Variants in CAMKMT observed in about 807,000 individuals in gnomAD.
The protein encoded by CAMKMT is CaM KMT.
CAMKMT carries 53 observed loss-of-function variants against 48.0 expected under a neutral mutation model. That is an observed-to-expected ratio of 1.10 (90% CI 0.89 to 1.39). The LOEUF is 1.39. Among genes scored for constraint, CAMKMT ranks in the 40% most tolerant of loss-of-function variants. The pLI is 0.00. For synonymous variants in CAMKMT, 165 were observed against 152.3 expected (o/e 1.08, Z -0.61); for missense variants, 428 against 402.7 (o/e 1.06, Z -0.54).
At chr2:44,536,018 C>A (rs1476731384) in intron 3 of CAMKMT, among the ~76,000 whole-genome samples, 1 of 152,142 alleles carries the variant, frequency 6.6e-6, no homozygotes, top group African/African-American at 2.4e-5. Context: ...AGTAAAGTTG[C>A]AGGATACAAA....
chr2:44,654,359 C>T (rs1674251950), intron 3 of CAMKMT, among the ~76,000 whole-genome samples: 3 of 151,908 alleles, frequency 2.0e-5, no homozygotes, highest in Admixed American at 2.0e-4. Context: ...AATACATATT[C>T]ATGGTAGAGA....
chr2:44,626,910 A>G (rs1672513844), intron 3 of CAMKMT, among the ~76,000 whole-genome samples: 1 of 152,176 alleles, frequency 6.6e-6, no homozygotes, highest in African/African-American at 2.4e-5. Context: ...CCAGTGCAGC[A>G]CTGAATAGAA....
intron 1 of CAMKMT, among the ~76,000 whole-genome samples, chr2:44,362,852 C>G (rs1036952951): frequency 4.6e-5 from 7 of 152,210 alleles, no homozygotes; most frequent in African/African-American, 1.7e-4. Context: ...GCAAGCTTGA[C>G]GGAAGTTCTG....
intron 3 of CAMKMT, among the ~76,000 whole-genome samples, chr2:44,527,260 A>AATATATATATGTTATATATATT (rs1666175928): frequency 2.1e-5 from 3 of 145,090 alleles, no homozygotes; most frequent in African/African-American, 7.6e-5. Context: ...CATATCTGGC[A>AATATATATATGTTATATATATT]ATATATATAT....
intron 10 of CAMKMT, among the ~76,000 whole-genome samples, chr2:44,768,366 T>A (rs945230342): frequency 0.038 from 5,445 of 141,466 alleles, 167 homozygotes; most frequent in Non-Finnish European, 0.061. Context: ...TATATATTTT[T>A]TTTTTTTTTT....
chr2:44,581,871 C>T (rs1279583212), intron 3 of CAMKMT, among the ~76,000 whole-genome samples: 8 of 152,160 alleles, frequency 5.3e-5, no homozygotes, highest in African/African-American at 1.4e-4. Flanking sequence ...TGGTGCCGCG[C>T]GCCTGTAGTC....
intron 5 of CAMKMT, 143 bp downstream of exon 5, chr2:44,706,484 GACTT>G (rs1362379650): frequency 1.4e-6 from 1 of 721,194 alleles, no homozygotes; most frequent in Admixed American, 2.4e-5. Flanking sequence ...CTTCTAGATT[GACTT>G]ACTTTCGGAT....
chr2:44,737,239 C>A (rs773484725), intron 7 of CAMKMT, among the ~76,000 whole-genome samples: 1 of 152,118 alleles, frequency 6.6e-6, no homozygotes, highest in Admixed American at 6.5e-5. Flanking sequence ...TCTCAGCCCC[C>A]CAGGTAGCTG....
At chr2:44,406,487 GT>G (rs1207394344) in intron 3 of CAMKMT, among the ~76,000 whole-genome samples, 1 of 68,902 alleles carries the variant, frequency 1.5e-5, no homozygotes, top group African/African-American at 9.0e-5. Context: ...CCACCCCAGT[GT>G]CTTTGTGTGT....
chr2:44,596,132 T>TA (rs766302518), intron 3 of CAMKMT, among the ~76,000 whole-genome samples: 52 of 141,084 alleles, frequency 3.7e-4, no homozygotes, highest in South Asian at 6.8e-4. Context: ...ACTTATAATT[T>TA]AAAAAAAAAA....
Position 44,397,058 on chromosome 2 carries a change from C to CA in CAMKMT, c.376+6770dup, listed in dbSNP as rs59188592. 1.9e-3 allele frequency among the ~76,000 whole-genome samples: 229 copies of CA among 120,356 alleles called. 3 individuals are homozygous for CA. In the South Asian group the frequency reaches 0.027, roughly 14 times the overall value. 79.0% of individuals were successfully genotyped at this position (120,356 alleles called of 152,430 possible). ...CAGGCGACAGAGTGAGACTCCATCT[C>CA]AAAAAAAAAAAAAAAAAGAAAAAGT... is the stretch of plus-strand genomic sequence containing the variant. On this transcript the variant is annotated intron_variant, in intron 3 of 10. Coordinates refer to ENST00000378494, the MANE Select transcript of CAMKMT (RefSeq NM_024766.5).
intron 3 of CAMKMT, among the ~76,000 whole-genome samples, chr2:44,543,838 G>A (rs72881146): frequency 4.1e-3 from 630 of 152,250 alleles, no homozygotes; most frequent in African/African-American, 0.012. Context: ...TATTTTAGTA[G>A]CATTTATCTA....
intron 3 of CAMKMT, among the ~76,000 whole-genome samples, chr2:44,608,496 ATCG>A (rs201887753): frequency 9.2e-5 from 14 of 152,048 alleles, no homozygotes; most frequent in Non-Finnish European, 1.5e-4. Context: ...ATCAGGTATT[ATCG>A]TATCCATCAT....
At chr2:44,476,317 T>C (rs1218021150) in intron 3 of CAMKMT, among the ~76,000 whole-genome samples, 1 of 152,164 alleles carries the variant, frequency 6.6e-6, no homozygotes, top group Non-Finnish European at 1.5e-5. Context: ...GTAAAGATTA[T>C]TGCAAATTCA....
At chr2:44,583,283 G>C (rs548598214) in intron 3 of CAMKMT, among the ~76,000 whole-genome samples, 1 of 152,240 alleles carries the variant, frequency 6.6e-6, no homozygotes, top group South Asian at 2.1e-4. Flanking sequence ...CACACACACA[G>C]TCCCTGCTCT....
At chr2:44,490,369 G>T (rs1239109723) in intron 3 of CAMKMT, among the ~76,000 whole-genome samples, 1 of 151,960 alleles carries the variant, frequency 6.6e-6, no homozygotes, top group African/African-American at 2.4e-5. Context: ...TCCGCCTCCC[G>T]GGTTCAAGTG....
rs137859537 is a variant in CAMKMT at position 44,450,084 on chromosome 2, A to G, written c.376+59779A>G. On this transcript the variant is annotated intron_variant, in intron 3 of 10. Coordinates refer to ENST00000378494, the MANE Select transcript of CAMKMT (RefSeq NM_024766.5). Reference sequence around the variant, plus strand: ...AAGCCATCACACACACTTCATCAACACTGTGGAATGAGGGACCGATGCTTT... The same window carrying G: ...AAGCCATCACACACACTTCATCAACGCTGTGGAATGAGGGACCGATGCTTT... 4.2e-3 allele frequency among the ~76,000 whole-genome samples: 637 copies of G among 152,300 alleles called. 1 individual carries two copies. Among genetic ancestry groups the G allele is most frequent in the African/African-American group, 0.015 (609 of 41,576 alleles).
chr2:44,756,391 G>A (rs1573238254), intron 9 of CAMKMT, among the ~76,000 whole-genome samples: 1 of 152,110 alleles, frequency 6.6e-6, no homozygotes, highest in Non-Finnish European at 1.5e-5. Flanking sequence ...GTGTCCTCTT[G>A]AGCCCAGACA....
intron 3 of CAMKMT, among the ~76,000 whole-genome samples, chr2:44,607,486 G>C (rs1321091076): frequency 6.6e-6 from 1 of 152,096 alleles, no homozygotes; most frequent in Non-Finnish European, 1.5e-5. Context: ...GTTTCTAGTA[G>C]TGAACATAAA....
Sources: allele counts gnomAD v4.1 joint callset (sites outside exome capture counted in the v4.1 genomes callset), GRCh38; gene constraint gnomAD v4.1.1; transcripts MANE v1.5; gene names NCBI Gene and HGNC (gene_info 2026-07-23, HGNC 2026-07-21).